Variants in CAMKMT observed in about 807,000 individuals in gnomAD.
CAMKMT encodes calmodulin-lysine N-methyltransferase.
CAMKMT carries 53 observed loss-of-function variants against 48.0 expected under a neutral mutation model. The observed-to-expected ratio is 1.10, with a 90% confidence interval of 0.89 to 1.39. CAMKMT has a LOEUF of 1.39. Ranked by LOEUF, CAMKMT falls within the 40% of genes most tolerant of loss-of-function variation. The pLI is 0.00. For synonymous variants in CAMKMT, 165 were observed against 152.3 expected (o/e 1.08, Z -0.61); for missense variants, 428 against 402.7 (o/e 1.06, Z -0.54).
intron 3 of CAMKMT, among the ~76,000 whole-genome samples, chr2:44,592,804 A>T (rs1670381235): frequency 9.2e-6 from 1 of 108,614 alleles, no homozygotes; most frequent in East Asian, 2.1e-4. Context: ...TGCATGGCTT[A>T]AATCTTTTTA....
At chr2:44,615,545 G>A (rs1671840015) in intron 3 of CAMKMT, among the ~76,000 whole-genome samples, 1 of 152,120 alleles carries the variant, frequency 6.6e-6, no homozygotes, top group South Asian at 2.1e-4. Context: ...TGGGTAGCTG[G>A]CAGGATGATG....
chr2:44,451,504 A>C (rs1667285333), intron 3 of CAMKMT, among the ~76,000 whole-genome samples: 1 of 151,920 alleles, frequency 6.6e-6, no homozygotes, highest in Admixed American at 6.6e-5. Context: ...TCTACTATAG[A>C]ATTAATTTAG....
At chr2:44,558,526 C>A (rs866543894) in intron 3 of CAMKMT, among the ~76,000 whole-genome samples, 2 of 152,002 alleles carry the variant, frequency 1.3e-5, no homozygotes, top group African/African-American at 4.8e-5. Context: ...TTCAGAGAGA[C>A]AAATTAATTA....
chr2:44,454,397 T>C (rs1222395830), intron 3 of CAMKMT, among the ~76,000 whole-genome samples: 1 of 152,136 alleles, frequency 6.6e-6, no homozygotes, highest in African/African-American at 2.4e-5. Context: ...TATCCAATAA[T>C]GTTTCTGACC....
intron 3 of CAMKMT, among the ~76,000 whole-genome samples, chr2:44,595,371 C>T (rs1284258310): frequency 1.3e-5 from 2 of 152,182 alleles, no homozygotes; most frequent in Non-Finnish European, 2.9e-5. Flanking sequence ...GTCCAAAGTG[C>T]TGGGATTACA....
At chr2:44,437,014 C>G (rs1015732767) in intron 3 of CAMKMT, among the ~76,000 whole-genome samples, 3 of 151,958 alleles carry the variant, frequency 2.0e-5, no homozygotes, top group Non-Finnish European at 4.4e-5. Flanking sequence ...TTATAACATA[C>G]CATTTTAGTT....
intron 3 of CAMKMT, among the ~76,000 whole-genome samples, chr2:44,427,090 G>A (rs1684325445): frequency 6.6e-6 from 1 of 152,160 alleles, no homozygotes; most frequent in Admixed American, 6.5e-5. Context: ...AAATGGTGCT[G>A]GGAAAACTGG....
intron 3 of CAMKMT, among the ~76,000 whole-genome samples, chr2:44,423,989 G>A (rs1162948001): frequency 6.6e-6 from 1 of 152,102 alleles, no homozygotes; most frequent in Admixed American, 6.5e-5. Context: ...ATGTGGGTGT[G>A]TATGTAGCTG....
intron 3 of CAMKMT, among the ~76,000 whole-genome samples, chr2:44,404,970 T>C (rs1180299102): frequency 6.6e-6 from 1 of 152,064 alleles, no homozygotes; most frequent in East Asian, 1.9e-4. Context: ...ACTTTTAGAG[T>C]CTTTCATGGA....
intron 3 of CAMKMT, among the ~76,000 whole-genome samples, chr2:44,565,465 A>G (rs1187902869): frequency 6.6e-6 from 1 of 152,084 alleles, no homozygotes; most frequent in Non-Finnish European, 1.5e-5. Flanking sequence ...GATCCTTCCC[A>G]TTAGTGATGT....
chr2:44,543,344 G>T, intron 3 of CAMKMT, among the ~76,000 whole-genome samples: 1 of 152,154 alleles, frequency 6.6e-6, no homozygotes, highest in East Asian at 1.9e-4. Flanking sequence ...AGGATGCAAA[G>T]ACATTTCCCT....
At chr2:44,453,097 G>A (rs1057225625) in intron 3 of CAMKMT, among the ~76,000 whole-genome samples, 2 of 152,084 alleles carry the variant, frequency 1.3e-5, no homozygotes, top group South Asian at 2.1e-4. Context: ...TCATGGAGAC[G>A]ACAATGCTTG....
chr2:44,666,845 T>C (rs907098187), intron 3 of CAMKMT, among the ~76,000 whole-genome samples: 7 of 152,196 alleles, frequency 4.6e-5, no homozygotes, highest in African/African-American at 1.4e-4. Context: ...CCTGACCTCG[T>C]GATCTGCCCG....
At position 44,529,558 on chromosome 2, in the gene CAMKMT, AGT is replaced by A. The variant is rs1666355436; in HGVS notation, c.376+139254_376+139255del. 2.0e-5 allele frequency among the ~76,000 whole-genome samples: 3 copies of A among 152,296 alleles called. No homozygotes were observed. The South Asian group carries it at 6.2e-4, about 32-fold the overall frequency. On this transcript the variant is annotated intron_variant, in intron 3 of 10. Coordinates refer to ENST00000378494, the MANE Select transcript of CAMKMT (RefSeq NM_024766.5). The stretch of plus-strand genomic sequence containing the variant: ...GTTCACCTTTATACAAGAAATCTGG[AGT>A]CATGTACTTTGGGCTAGGGTTGCTT...
intron 3 of CAMKMT, among the ~76,000 whole-genome samples, chr2:44,689,791 G>C (rs1036127408): frequency 6.6e-6 from 1 of 152,162 alleles, no homozygotes; most frequent in Non-Finnish European, 1.5e-5. Context: ...CTCACATCAG[G>C]AGATGTTCTT....
At position 44,619,805 on chromosome 2, in the gene CAMKMT, C is replaced by T. The variant is rs193105853; in HGVS notation, c.377-84478C>T. On this transcript the variant is annotated intron_variant, in intron 3 of 10. Transcript: ENST00000378494. The stretch of plus-strand genomic sequence containing the variant: ...AGAATTCTGACCCTATGGTTTCATA[C>T]CTATACAATGCTGTGGATAGCAATG... 2.0e-3 allele frequency among the ~76,000 whole-genome samples: 305 copies of T among 152,218 alleles called. 3 individuals are homozygous for T. The highest frequency in any genetic ancestry group is 7.1e-3 in the African/African-American group (295 of 41,532).
intron 3 of CAMKMT, among the ~76,000 whole-genome samples, chr2:44,416,009 C>T (rs1364102074): frequency 1.3e-5 from 2 of 152,154 alleles, no homozygotes; most frequent in Non-Finnish European, 2.9e-5. Flanking sequence ...TAAATGTGAA[C>T]TAACATTATT....
At chr2:44,768,361 A>ATATATTTTT (rs35058824) in intron 10 of CAMKMT, among the ~76,000 whole-genome samples, 11 of 115,728 alleles carry the variant, frequency 9.5e-5, no homozygotes, top group African/African-American at 3.0e-4. Flanking sequence ...ATATATATAT[A>ATATATTTTT]TTTTTTTTTT....
At chr2:44,375,212 C>G (rs1159259068) in intron 2 of CAMKMT, among the ~76,000 whole-genome samples, 1 of 151,284 alleles carries the variant, frequency 6.6e-6, no homozygotes, top group Non-Finnish European at 1.5e-5. Context: ...TTGGAATAGC[C>G]CAAAGCAGTG....
Sources: allele counts gnomAD v4.1 joint callset (sites outside exome capture counted in the v4.1 genomes callset), GRCh38; gene constraint gnomAD v4.1.1; transcripts MANE v1.5; gene names NCBI Gene and HGNC (gene_info 2026-07-23, HGNC 2026-07-21).